Variants in NAV1 observed in about 807,000 individuals in gnomAD.
NAV1 encodes neuron navigator 1.
In NAV1, 18 loss-of-function variants were observed where a neutral mutation model predicts 175.2. The observed-to-expected ratio is 0.10, with a 90% CI of 0.07 to 0.15. The LOEUF (loss-of-function observed/expected upper bound fraction) is 0.15, where lower values mean the gene tolerates loss of function less well. NAV1 is among the 10% of genes least tolerant of loss of function. The pLI, the probability that NAV1 is intolerant of heterozygous loss-of-function variation, is 1.00. For missense variants in NAV1, 1,731 were observed against 2,436.6 expected, an observed-to-expected ratio of 0.71 and a Z score of 6.10; for synonymous variants, 897 against 978.7, an observed-to-expected ratio of 0.92 and a Z score of 1.56.
intron 1 of NAV1, among the ~76,000 whole-genome samples, chr1:201,678,521 A>G (rs1166440940): frequency 1.3e-5 from 2 of 152,336 alleles, no homozygotes; most frequent in Non-Finnish European, 2.9e-5. Flanking sequence ...TAATTGCCAC[A>G]GCCAGGATTT....
chr1:201,591,268 G>A (rs1321590056), intron 2 of NAV1, among the ~76,000 whole-genome samples: 2 of 152,192 alleles, frequency 1.3e-5, no homozygotes, highest in Admixed American at 6.5e-5. Flanking sequence ...AATGTGCGAT[G>A]GGGTCACCTG....
intron 1 of NAV1, 125 bp from the exon 6 acceptor site, chr1:201,712,692 G>A (rs1671959165): frequency 1.0e-5 from 7 of 695,738 alleles, no homozygotes; most frequent in South Asian, 9.7e-5. Context: ...AAGGGAGGAG[G>A]AAGGTGACTA....
In NAV1 at chr1:201,812,054, A is replaced by C. The variant is rs1678725688; in HGVS notation, c.5024+80A>C. ...CTGGACTCTGGCCAGGAGGCAGTAG[A>C]TAGGAGAAGGAAAGAGAAGTATCCA... On this transcript the variant is annotated intron_variant, in intron 26 of 29. Transcript: ENST00000367296. This position sits in a 1 kb window ranked among gnomAD's most constrained non-coding sequence, Gnocchi z 4.6. The C allele has an allele frequency of 2.2e-6, 3 of 1,334,800 alleles. No homozygotes were observed. The highest frequency in any genetic ancestry group is 3.2e-6 in the Non-Finnish European group (3 of 927,916). The allele number at this position is 1,334,800 out of a possible 1,614,324, so 82.7% of individuals were successfully genotyped here. A position where few individuals can be genotyped will look rare whatever the true frequency, so the allele number is the denominator to read the frequency against.
chr1:201,780,148 C>A (rs1272717919), intron 3 of NAV1, among the ~76,000 whole-genome samples: 3 of 152,098 alleles, frequency 2.0e-5, no homozygotes, highest in Non-Finnish European at 4.4e-5. Context: ...AATTACCTTG[C>A]CTTTATAAAA....
intron 1 of NAV1, among the ~76,000 whole-genome samples, chr1:201,702,680 C>G (rs1671480406): frequency 1.8e-4 from 4 of 21,826 alleles, no homozygotes; most frequent in African/African-American, 5.0e-4. Context: ...AATTCTCTCT[C>G]TCTCTCTCTC....
intron 1 of NAV1, among the ~76,000 whole-genome samples, chr1:201,676,159 A>G (rs958391753): frequency 1.3e-5 from 2 of 152,098 alleles, no homozygotes; most frequent in African/African-American, 4.8e-5. Context: ...GGTGTTAATG[A>G]ATCCTTACTG....
chr1:201,642,525 T>TCTTTC (rs1553247054), intron 2 of NAV1, among the ~76,000 whole-genome samples: 3 of 100,412 alleles, frequency 3.0e-5, no homozygotes, highest in Admixed American at 1.1e-4. Flanking sequence ...TTCTTTCTTT[T>TCTTTC]TTTCTTTCTT....
At position 201,789,496 on chromosome 1, in the gene NAV1, C is replaced by T. The variant is rs889435708; in HGVS notation, c.3167-244C>T. Reference sequence around the variant, plus strand: ...CTCTGAAACCCCGTGCCCCTCAGAGCGGGCTAAGCAAGGGACTGCCATACC... The same window carrying T: ...CTCTGAAACCCCGTGCCCCTCAGAGTGGGCTAAGCAAGGGACTGCCATACC... On this transcript the variant is annotated intron_variant, in intron 10 of 29. Coordinates refer to ENST00000367296, the Ensembl canonical transcript of NAV1. Among the ~76,000 whole-genome samples, 18 of 152,262 alleles carry T rather than the reference C, an allele frequency of 1.2e-4. No homozygotes were observed. In the South Asian group the frequency reaches 1.5e-3, roughly 12 times the overall value.
At chr1:201,721,622 G>T (rs895715937) in intron 3 of NAV1, among the ~76,000 whole-genome samples, 1 of 152,166 alleles carries the variant, frequency 6.6e-6, no homozygotes, top group African/African-American at 2.4e-5. Flanking sequence ...TCATTAAAGG[G>T]GTAGGACTGT....
At chr1:201,679,454 G>A (rs1357863385) in intron 1 of NAV1, among the ~76,000 whole-genome samples, 2 of 152,050 alleles carry the variant, frequency 1.3e-5, no homozygotes, top group African/African-American at 4.8e-5. Context: ...GGTTTCTATA[G>A]ACCTCCTCCT....
intron 1 of NAV1, among the ~76,000 whole-genome samples, chr1:201,572,635 T>C (rs1473709336): frequency 1.3e-5 from 2 of 152,240 alleles, no homozygotes; most frequent in African/African-American, 4.8e-5. Context: ...CCCAAAGTGC[T>C]GGGATTACAG....
At chr1:201,716,657 T>C (rs943226820) in intron 2 of NAV1, among the ~76,000 whole-genome samples, 12 of 152,102 alleles carry the variant, frequency 7.9e-5, no homozygotes, top group Admixed American at 7.2e-4. Context: ...GGTGGGAGGA[T>C]TGCTTGAGTT....
intron 3 of NAV1, among the ~76,000 whole-genome samples, chr1:201,734,471 G>GGAGA (rs1239954788): frequency 7.3e-6 from 1 of 137,288 alleles, no homozygotes; most frequent in African/African-American, 2.8e-5. Flanking sequence ...GGAGGAGGAA[G>GGAGA]AGGAGGAGGA....
At chr1:201,698,546 T>A (rs1671283405) in intron 1 of NAV1, among the ~76,000 whole-genome samples, 1 of 152,222 alleles carries the variant, frequency 6.6e-6, no homozygotes. Flanking sequence ...TCCAAGGGAA[T>A]CACGTGGGAT....
At chr1:201,611,997 C>G (rs373120551) in intron 2 of NAV1, among the ~76,000 whole-genome samples, 4 of 151,970 alleles carry the variant, frequency 2.6e-5, no homozygotes, top group African/African-American at 2.4e-5. Flanking sequence ...ACCTGTGTGT[C>G]TCTGTGTGAA....
exon 1 of NAV1, chr1:201,648,858 C>T (rs1669078271): frequency 5.6e-6 from 9 of 1,611,848 alleles, no homozygotes; most frequent in Non-Finnish European, 7.6e-6. Flanking sequence ...CGCGGCTGAG[C>T]TGAAGGTCTT....
intron 3 of NAV1, among the ~76,000 whole-genome samples, chr1:201,778,403 G>C (rs1676093652): frequency 5.3e-5 from 8 of 152,176 alleles, no homozygotes; most frequent in Admixed American, 5.2e-4. Flanking sequence ...CTTTGACTTA[G>C]AGAACATGCT....
chr1:201,650,385 C>T lies in NAV1; in HGVS notation c.757+960C>T, dbSNP rs551146941. ...TGCCTCGGGAACTGGCACGGGCCCT[C>T]TTGGGGCCACGGAACAAGGACGGTG... is the stretch of plus-strand genomic sequence containing the variant. On this transcript the variant is annotated intron_variant, in intron 1 of 29. Transcript: ENST00000367296. Among the ~76,000 whole-genome samples, 95 of 152,348 alleles carry T rather than the reference C, an allele frequency of 6.2e-4. 1 individual carries two copies. The highest frequency in any genetic ancestry group is 2.2e-3 in the African/African-American group (92 of 41,592).
At chr1:201,786,303 C>G in intron 8 of NAV1, 126 bp from the exon 13 acceptor site, 1 of 990,782 alleles carries the variant, frequency 1.0e-6, no homozygotes, top group Non-Finnish European at 1.5e-6. Context: ...CCTGACCACT[C>G]CCTCTTTTCC....
Sources: gnomAD v4.1 joint callset for allele counts (sites outside exome capture counted in the v4.1 genomes callset) on GRCh38, gnomAD v4.1.1 for gene constraint, Gnocchi (gnomAD v3.1) non-coding constraint, MANE v1.5 for transcripts, NCBI Gene and HGNC (gene_info 2026-07-23, HGNC 2026-07-21) for gene names.